Variants in HTR2C observed in about 807,000 individuals in gnomAD.
The protein encoded by HTR2C is 5-hydroxytryptamine (serotonin) receptor 2C, G protein-coupled.
Under a neutral mutation model 21.0 loss-of-function variants are expected in HTR2C, and 5 were observed. The ratio of observed to expected loss-of-function variants is 0.24; its 90% CI spans 0.12 to 0.50. HTR2C has a LOEUF of 0.50. Among genes scored for constraint, HTR2C ranks in the 20% least tolerant of loss-of-function variants. The pLI is 0.98. For missense variants in HTR2C, 271 were observed against 371.2 expected (o/e 0.73, Z 2.22); for synonymous variants, 150 against 145.3 (o/e 1.03, Z -0.23).
chrX:114,647,126 A>G (rs1930391854), intron 2 of HTR2C, among the ~76,000 whole-genome samples: 1 of 111,308 alleles, frequency 9.0e-6, no homozygotes, highest in Non-Finnish European at 1.9e-5. Context: ...AAGAGTAAAA[A>G]GTTTCACCTA....
chrX:114,835,651 A>G (rs1343890748), intron 4 of HTR2C, among the ~76,000 whole-genome samples: 3 of 111,249 alleles, frequency 2.7e-5, no homozygotes, highest in Admixed American at 1.9e-4. Context: ...TTTGGTCTGA[A>G]TGTCCTCCCG....
chrX:114,779,821 T>A (rs2070098128), intron 4 of HTR2C, among the ~76,000 whole-genome samples: 2 of 111,871 alleles, frequency 1.8e-5, no homozygotes. Flanking sequence ...AGTTTATGAA[T>A]GAATTCTGCT....
At chrX:114,714,513 G>T (rs1470475950) in intron 2 of HTR2C, among the ~76,000 whole-genome samples, 1 of 111,986 alleles carries the variant, frequency 8.9e-6, no homozygotes, top group African/African-American at 3.2e-5. Context: ...ATATTAATTT[G>T]TGGGATGTGT....
chrX:114,906,320 G>A (rs1556486603), intron 5 of HTR2C, among the ~76,000 whole-genome samples: 1 of 111,458 alleles, frequency 9.0e-6, no homozygotes, highest in East Asian at 2.8e-4. Flanking sequence ...TGACACAACC[G>A]TGTCTCTAAT....
chrX:114,714,506 T>A (rs1009934979), intron 2 of HTR2C, among the ~76,000 whole-genome samples: 25 of 112,023 alleles, frequency 2.2e-4, no homozygotes, highest in African/African-American at 8.1e-4. Context: ...TACCTACATA[T>A]TAATTTGTGG....
chrX:114,665,120 G>GA (rs1414156193), intron 2 of HTR2C, among the ~76,000 whole-genome samples: 2 of 111,554 alleles, frequency 1.8e-5, no homozygotes, highest in Admixed American at 9.5e-5. Context: ...CAGAACAATA[G>GA]AAAAAAAACT....
intron 1 of HTR2C, among the ~76,000 whole-genome samples, chrX:114,611,159 A>C (rs1289959130): frequency 8.9e-6 from 1 of 111,940 alleles, no homozygotes; most frequent in Non-Finnish European, 1.9e-5. Context: ...AATAAATGGC[A>C]TAATTACAAT....
chrX:114,824,583 C>T (rs1394986056), intron 4 of HTR2C, among the ~76,000 whole-genome samples: 1 of 111,801 alleles, frequency 8.9e-6, no homozygotes. Context: ...GGGATGCTAT[C>T]GAGTTTTCCA....
intron 4 of HTR2C, among the ~76,000 whole-genome samples, chrX:114,843,973 T>TA (rs782609853): frequency 1.9e-5 from 2 of 107,468 alleles, no homozygotes; most frequent in South Asian, 3.9e-4. Flanking sequence ...GGACCTACCC[T>TA]AAAAAAAAAT....
chrX:114,760,897 C>A (rs1223889068), intron 4 of HTR2C, among the ~76,000 whole-genome samples: 3 of 111,332 alleles, frequency 2.7e-5, no homozygotes, highest in Non-Finnish European at 5.6e-5. Context: ...ACACTTCAAC[C>A]AAACTAGACA....
chrX:114,813,717 A>G (rs2070556520), intron 4 of HTR2C, among the ~76,000 whole-genome samples: 1 of 111,139 alleles, frequency 9.0e-6, no homozygotes, highest in Non-Finnish European at 1.9e-5. Flanking sequence ...AGAGCTTCTT[A>G]TATACTACTA....
intron 2 of HTR2C, among the ~76,000 whole-genome samples, chrX:114,646,530 A>G (rs1930366957): frequency 8.9e-6 from 1 of 112,170 alleles, no homozygotes; most frequent in African/African-American, 3.2e-5. Flanking sequence ...TTTTAATTGC[A>G]TTTCCTTGAT....
intron 5 of HTR2C, among the ~76,000 whole-genome samples, chrX:114,899,391 G>T (rs1649155023): frequency 9.0e-6 from 1 of 111,069 alleles, no homozygotes; most frequent in African/African-American, 3.3e-5. Context: ...CTGAGTTGCA[G>T]ACACCTTTGT....
chrX:114,903,435 C>T (rs1363806166), intron 5 of HTR2C, among the ~76,000 whole-genome samples: 1 of 112,258 alleles, frequency 8.9e-6, no homozygotes, highest in African/African-American at 3.2e-5. Context: ...CAGTGCCTGG[C>T]ACATAGGATA....
At chrX:114,640,822 A>G (rs1930067715) in intron 2 of HTR2C, among the ~76,000 whole-genome samples, 1 of 110,750 alleles carries the variant, frequency 9.0e-6, no homozygotes. Flanking sequence ...TGGATTTGTG[A>G]TACAACATCT....
intron 4 of HTR2C, among the ~76,000 whole-genome samples, chrX:114,783,037 C>T (rs1390262027): frequency 9.0e-6 from 1 of 111,186 alleles, no homozygotes. Flanking sequence ...AAAAAATTAG[C>T]AGAATAAGTA....
chrX:114,802,952 A>G (rs1322126561), intron 4 of HTR2C, among the ~76,000 whole-genome samples: 6 of 75,529 alleles, frequency 7.9e-5, no homozygotes, highest in Non-Finnish European at 1.2e-4. Context: ...TCATTGTTCA[A>G]TTCCCACCTA....
At position 114,865,231 on chromosome X, in the gene HTR2C, ATAGT is replaced by A. The variant is rs1286273319; in HGVS notation, c.550+17030_550+17033del. ...AGGCTAACCAATGTTGTTTGTATCA[ATAGT>A]TTGTTTTTATTGCAGCATAGTATTC... On this transcript the variant is annotated intron_variant, in intron 5 of 5. Coordinates refer to ENST00000276198, the MANE Select transcript of HTR2C (RefSeq NM_000868.4). Among the ~76,000 whole-genome samples, 5 of 112,016 alleles carry A rather than the reference ATAGT, an allele frequency of 4.5e-5. No homozygotes were observed. The East Asian group carries it at 1.4e-3, about 31-fold the overall frequency.
Position 114,584,633 on chromosome X carries a change from G to C in HTR2C, c.-173G>C, listed in dbSNP as rs1927311536. On this transcript the variant is annotated 5_prime_UTR_variant, in exon 1 of 6. Coordinates refer to ENST00000276198, the MANE Select transcript of HTR2C (RefSeq NM_000868.4). Reference sequence around the variant, plus strand: ...TCTAGCTGCCGCCGCGGCGACCGCTGCCTGGTCTTCCTCCCGGACGCTAGT... The same window carrying C: ...TCTAGCTGCCGCCGCGGCGACCGCTCCCTGGTCTTCCTCCCGGACGCTAGT... 1 of 112,644 alleles carries C rather than the reference G, an allele frequency of 8.9e-6. No homozygotes were observed. The highest frequency in any genetic ancestry group is 9.3e-5 in the Admixed American group (1 of 10,734). The allele number at this position is 112,644 out of a possible 1,213,427, so 9.3% of individuals were successfully genotyped here. A position where few individuals can be genotyped will look rare whatever the true frequency, so the allele number is the denominator to read the frequency against.
Sources: allele counts gnomAD v4.1 joint callset (sites outside exome capture counted in the v4.1 genomes callset), GRCh38; gene constraint gnomAD v4.1.1; transcripts MANE v1.5; gene names NCBI Gene and HGNC (gene_info 2026-07-23, HGNC 2026-07-21).